The following GRIK2 variants were observed in gnomAD, a reference collection of about 807,000 sequenced individuals.
GRIK2 encodes glutamate ionotropic receptor kainate type subunit 2.
In GRIK2, 32 loss-of-function variants were observed where a neutral mutation model predicts 100.3. The ratio of observed to expected loss-of-function variants is 0.32; its 90% CI spans 0.24 to 0.43. The LOEUF (loss-of-function observed/expected upper bound fraction) is 0.43. Among genes scored for constraint, GRIK2 ranks in the 20% least tolerant of loss-of-function variants. GRIK2 has a pLI of 1.00. For synonymous variants in GRIK2, 417 were observed against 389.4 expected (o/e 1.07, Z -0.83); for missense variants, 843 against 1,114.9 (o/e 0.76, Z 3.47).
intron 14 of GRIK2, among the ~76,000 whole-genome samples, chr6:102,012,331 C>A (rs1019848189): frequency 1.3e-5 from 2 of 151,912 alleles, no homozygotes; most frequent in African/African-American, 4.8e-5. Context: ...GTATTATGGG[C>A]CTTTTGCCTC....
In GRIK2 at chr6:101,450,040, C is replaced by A. The variant is rs560359649; in HGVS notation, c.115+50648C>A. On this transcript the variant is annotated intron_variant, in intron 2 of 16. Coordinates refer to ENST00000369134, the MANE Select transcript of GRIK2 (RefSeq NM_021956.5). ...AAATTATTCTAGTAAGTTTATTAATCAATACATTGACTACTTGACTCCAAA... is the reference window on the plus strand; with the variant it reads ...AAATTATTCTAGTAAGTTTATTAATAAATACATTGACTACTTGACTCCAAA... 4.0e-5 allele frequency among the ~76,000 whole-genome samples: 6 copies of A among 151,772 alleles called. No homozygotes were observed. In the South Asian group the frequency reaches 1.2e-3, roughly 32 times the overall value.
At chr6:101,786,140 T>C (rs1392687398) in intron 7 of GRIK2, among the ~76,000 whole-genome samples, 1 of 152,126 alleles carries the variant, frequency 6.6e-6, no homozygotes, top group Non-Finnish European at 1.5e-5. Context: ...AAAACATGGC[T>C]GATTTTTGTT....
chr6:101,566,875 C>A (rs1777302119), intron 2 of GRIK2, among the ~76,000 whole-genome samples: 1 of 149,864 alleles, frequency 6.7e-6, no homozygotes, highest in African/African-American at 2.4e-5. Flanking sequence ...GACATATATA[C>A]ATATATTCAG....
At chr6:101,944,484 G>T (rs1238706203) in intron 14 of GRIK2, among the ~76,000 whole-genome samples, 1 of 152,034 alleles carries the variant, frequency 6.6e-6, no homozygotes, top group Non-Finnish European at 1.5e-5. Context: ...AAATGTTAAT[G>T]GTTTTGTAAT....
intron 11 of GRIK2, among the ~76,000 whole-genome samples, chr6:101,877,789 T>G (rs539017236): frequency 6.6e-6 from 1 of 151,980 alleles, no homozygotes; most frequent in Non-Finnish European, 1.5e-5. Context: ...TTCAATTCAT[T>G]GTTCCTTAAT....
At chr6:102,029,967 T>A (rs994888577) in intron 14 of GRIK2, among the ~76,000 whole-genome samples, 2 of 151,264 alleles carry the variant, frequency 1.3e-5, no homozygotes, top group African/African-American at 4.8e-5. Context: ...TTAATTAACA[T>A]ATCCATTATC....
intron 2 of GRIK2, among the ~76,000 whole-genome samples, chr6:101,473,919 A>G (rs1463162563): frequency 1.3e-5 from 2 of 151,974 alleles, no homozygotes; most frequent in South Asian, 2.1e-4. Context: ...TTTTGTGGGA[A>G]TATTGGACAG....
chr6:101,904,195 A>T (rs1298499721), intron 12 of GRIK2, among the ~76,000 whole-genome samples: 1 of 151,268 alleles, frequency 6.6e-6, no homozygotes, highest in Admixed American at 6.6e-5. Context: ...CATCGTACAC[A>T]TTCTAAATTG....
intron 2 of GRIK2, among the ~76,000 whole-genome samples, chr6:101,441,325 G>C (rs1770038335): frequency 6.6e-6 from 1 of 152,140 alleles, no homozygotes; most frequent in South Asian, 2.1e-4. Flanking sequence ...CTCCTGAAAT[G>C]TTGGTGAATA....
chr6:101,627,438 A>G (rs1582851981), intron 4 of GRIK2, among the ~76,000 whole-genome samples: 1 of 152,232 alleles, frequency 6.6e-6, no homozygotes. Context: ...CACTGGACCC[A>G]TTCTGAAATA....
At chr6:101,844,460 G>A (rs942640312) in intron 10 of GRIK2, among the ~76,000 whole-genome samples, 1 of 152,170 alleles carries the variant, frequency 6.6e-6, no homozygotes, top group East Asian at 1.9e-4. Flanking sequence ...GACATGGCTT[G>A]TGAATGGTAC....
chr6:101,719,987 T>C (rs1236241381), intron 7 of GRIK2, among the ~76,000 whole-genome samples: 2 of 151,974 alleles, frequency 1.3e-5, no homozygotes, highest in African/African-American at 4.8e-5. Context: ...AAACACCAAG[T>C]ATTGCATTAA....
At chr6:101,703,958 C>T (rs373635431) in intron 7 of GRIK2, among the ~76,000 whole-genome samples, 1 of 151,482 alleles carries the variant, frequency 6.6e-6, no homozygotes, top group Non-Finnish European at 1.5e-5. Flanking sequence ...AGTGAGTATA[C>T]CAGCAGAAAT....
chr6:101,683,211 A>AG (rs1017270406), intron 6 of GRIK2, among the ~76,000 whole-genome samples: 18 of 151,576 alleles, frequency 1.2e-4, no homozygotes, highest in African/African-American at 3.2e-4. Context: ...GAAAAAAAAA[A>AG]AAAGAAAAGA....
At chr6:101,852,166 T>A (rs1313643126) in intron 10 of GRIK2, among the ~76,000 whole-genome samples, 3 of 152,152 alleles carry the variant, frequency 2.0e-5, no homozygotes, top group Non-Finnish European at 4.4e-5. Context: ...TGTCGATCTT[T>A]GTTCCTTTTA....
chr6:101,908,998 T>C (rs981962529), intron 12 of GRIK2, among the ~76,000 whole-genome samples: 2 of 151,322 alleles, frequency 1.3e-5, no homozygotes, highest in Admixed American at 6.6e-5. Flanking sequence ...TCAACTAGTA[T>C]AGAAATTAAA....
At position 101,682,604 on chromosome 6, in the gene GRIK2, C is replaced by A; in HGVS notation, c.775C>A (p.Leu259Met). 1 of 1,209,106 alleles carries A rather than the reference C, an allele frequency of 8.3e-7. No individual in the cohort carries two copies. The highest frequency in any genetic ancestry group is 1.3e-5 in the South Asian group (1 of 76,914). 74.9% of individuals were successfully genotyped at this position (1,209,106 alleles called of 1,614,324 possible). Residue 259 changes from leucine to methionine, a missense_variant and splice_region_variant, in exon 6 of 17, where the codon CTG becomes ATG. This residue lies in a region of GRIK2 where 519 missense variants were observed against 643.8 expected (regional missense o/e 0.81). Coordinates refer to ENST00000369134, the MANE Select transcript of GRIK2 (RefSeq NM_021956.5). ...ATACTATCATTATATCTTTACCACT[C>A]TGGTAAGTACTTCATTAAAACAAAA... Reference protein sequence around the residue: ...TEYYHYIFTTLDLFALDVEPY... With the variant: ...TEYYHYIFTTMDLFALDVEPY...
chr6:102,027,075 G>T (rs1262493766), intron 14 of GRIK2, among the ~76,000 whole-genome samples: 1 of 151,206 alleles, frequency 6.6e-6, no homozygotes, highest in African/African-American at 2.4e-5. Flanking sequence ...TTTACCAAGG[G>T]AGACCTTGCT....
intron 14 of GRIK2, among the ~76,000 whole-genome samples, chr6:101,946,452 G>A (rs888134975): frequency 3.3e-5 from 5 of 151,874 alleles, no homozygotes; most frequent in Admixed American, 2.6e-4. Flanking sequence ...GATCATTTAA[G>A]CCTGGGAGGT....
Sources: allele counts gnomAD v4.1 joint callset (sites outside exome capture counted in the v4.1 genomes callset), GRCh38; gene constraint gnomAD v4.1.1; regional missense constraint gnomAD v4.1.1; transcripts MANE v1.5; gene names NCBI Gene and HGNC (gene_info 2026-07-23, HGNC 2026-07-21).